Variants in RP1L1 observed in about 807,000 individuals in gnomAD.
RP1L1 encodes the protein RP1 like 1, also known as retinitis pigmentosa 1-like 1 protein.
RP1L1 carries 27 observed loss-of-function variants against 15.7 expected under a neutral mutation model. The observed-to-expected ratio is 1.72, with a 90% CI of 1.27 to 2.38. RP1L1 has a LOEUF of 2.38. Among genes scored for constraint, RP1L1 ranks in the 30% most tolerant of loss-of-function variants. The probability of loss-of-function intolerance (pLI) is 0.00; values close to 1 mark genes in which losing one functional copy is unlikely to be tolerated. For synonymous variants in RP1L1, 1,813 were observed against 1,276.7 expected (o/e 1.42, Z -8.96); for missense variants, 4,798 against 3,075.9 (o/e 1.56, Z -13.24).
intron 1 of RP1L1, among the ~76,000 whole-genome samples, chr8:10,631,308 C>T (rs1798241278): frequency 1.2e-5 from 1 of 82,162 alleles, no homozygotes; most frequent in African/African-American, 3.1e-5. Context: ...CACGCATGCA[C>T]ACACACGCAC....
At chr8:10,622,158 C>A (rs1213526029) in intron 2 of RP1L1, among the ~76,000 whole-genome samples, 1 of 151,844 alleles carries the variant, frequency 6.6e-6, no homozygotes, top group African/African-American at 2.4e-5. Flanking sequence ...CCTGTCTCTA[C>A]TAAAACTAGA....
rs370417440 is a variant in RP1L1 at position 10,612,860 on chromosome 8, T to A, written c.1238A>T (p.His413Leu). ...PKYEIWTNPLHASQGERVAAR... is the reference protein window; with the variant it reads ...PKYEIWTNPLLASQGERVAAR... ...TGCCACTCTCTCTCCCTGGGAGGCATGCAGGGGATTCGTCCAGATTTCATA... is the reference window on the plus strand; with the variant it reads ...TGCCACTCTCTCTCCCTGGGAGGCAAGCAGGGGATTCGTCCAGATTTCATA... Residue 413 changes from histidine (H) to leucine (L), a missense_variant, in exon 4 of 4, where the codon CAT becomes CTT. His to Leu is a moderately conservative substitution (Grantham distance 99). Coordinates refer to ENST00000382483, the MANE Select transcript of RP1L1 (RefSeq NM_178857.6). The A allele has an allele frequency of 4.8e-5, 77 of 1,612,710 alleles. No individual in the cohort carries two copies. Among genetic ancestry groups the A allele is most frequent in the Non-Finnish European group, 6.1e-5 (72 of 1,179,912 alleles).
rs773293580 is a variant in RP1L1, at chr8:10,612,663, C to T, written c.1435G>A (p.Gly479Arg). ...GCAGAGGGGCTGGCACTGTCCACCC[C>T]GTCCTCCGGGGTCCTGGGGCAGCAG... ...SSCCPRTPEDGVDSASPSAQI... is the reference protein window; with the variant it reads ...SSCCPRTPEDRVDSASPSAQI... Residue 479 changes from glycine to arginine, a missense_variant, in exon 4 of 4, where the codon GGG (glycine) becomes AGG (arginine). Physicochemically the swap from Gly to Arg is moderately radical, Grantham distance 125. Coordinates refer to ENST00000382483, the MANE Select transcript of RP1L1 (RefSeq NM_178857.6). 1.2e-5 allele frequency: 19 copies of T among 1,601,348 alleles called. No individual in the cohort carries two copies. Among genetic ancestry groups the T allele is most frequent in the Admixed American group, 1.2e-4 (7 of 59,930 alleles).
rs142510965 is a variant in RP1L1, at chr8:10,609,723, C to T, written c.4375G>A (p.Glu1459Lys). The T allele has an allele frequency of 6.0e-5, 96 of 1,613,334 alleles. No homozygotes were observed. Among genetic ancestry groups the T allele is most frequent in the Non-Finnish European group, 7.0e-5 (83 of 1,179,694 alleles). ...EPTEPPSHLS[E>K]TDPSASERQS... is the part of the protein sequence containing the mutation. Reference sequence around the variant, plus strand: ...CTCTCGCTGGCACTTGGGTCCGTCTCGCTGAGATGACTAGGGGGCTCTGTG... The same window carrying T: ...CTCTCGCTGGCACTTGGGTCCGTCTTGCTGAGATGACTAGGGGGCTCTGTG... The change falls in exon 4 of 4, where the codon GAG becomes AAG. Residue 1459 changes from glutamate (E) to lysine (K), a missense_variant. Transcript: ENST00000382483.
At chr8:10,649,619 C>T (rs1798529757) in intron 1 of RP1L1, among the ~76,000 whole-genome samples, 2 of 152,230 alleles carry the variant, frequency 1.3e-5, no homozygotes, top group Non-Finnish European at 2.9e-5. Context: ...TGGCTCATGC[C>T]TGTAATTCCA....
intron 1 of RP1L1, among the ~76,000 whole-genome samples, chr8:10,645,322 G>A (rs1252394346): frequency 6.6e-6 from 1 of 152,134 alleles, no homozygotes; most frequent in Admixed American, 6.5e-5. Flanking sequence ...GTGAGACCCT[G>A]TAACAAAAAC....
intron 1 of RP1L1, among the ~76,000 whole-genome samples, chr8:10,631,892 C>T (rs980031258): frequency 2.0e-5 from 3 of 152,184 alleles, no homozygotes; most frequent in East Asian, 1.9e-4. Context: ...CAGCACGGGG[C>T]GGATTTGGAG....
At position 10,610,879 on chromosome 8, in the gene RP1L1, C is replaced by G; in HGVS notation, c.3219G>C (p.Arg1073=). The G allele has an allele frequency of 6.2e-7, 1 of 1,609,442 alleles. No individual in the cohort carries two copies. Among genetic ancestry groups the G allele is most frequent in the Non-Finnish European group, 8.5e-7 (1 of 1,177,868 alleles). Residue 1073 remains arginine (R), a synonymous_variant, in exon 4 of 4, where the codon CGG becomes CGC. Transcript: ENST00000382483. ...AGGCAGACACCCGGCCAGGAAGTGCCCGCAGGCTCACCCTGCAGCCTGCTG... is the reference window on the plus strand; with the variant it reads ...AGGCAGACACCCGGCCAGGAAGTGCGCGCAGGCTCACCCTGCAGCCTGCTG... ...EAPAGCRVSL[R]ALPGRVSAST... is the part of the protein sequence containing the mutation.
intron 1 of RP1L1, among the ~76,000 whole-genome samples, chr8:10,623,795 G>A (rs115094785): frequency 6.8e-6 from 1 of 146,826 alleles, no homozygotes; most frequent in African/African-American, 2.6e-5. Context: ...AGCACCACAT[G>A]TCCCCAACAT....
In RP1L1 at chr8:10,649,461, C is replaced by G. The variant is rs544668160; in HGVS notation, c.-20+5437G>C. 3.2e-3 allele frequency among the ~76,000 whole-genome samples: 489 copies of G among 152,332 alleles called. 5 individuals are homozygous for G. Among genetic ancestry groups the G allele is most frequent in the Middle Eastern group, 3.4e-3 (1 of 294 alleles). ...CTAGCTGAGTCCCACCCGCTGTGGT[C>G]TCACTCTGACCCAGTAGACCACAGC... On this transcript the variant is annotated intron_variant, in intron 1 of 3. Transcript: ENST00000382483.
Position 10,610,061 on chromosome 8 carries a change from CCTTCTG to C in RP1L1, c.4031_4036del (p.Thr1344_Gly1346delinsArg). Reference sequence around the variant, plus strand: ...CGCCTCTTCTTCTTGCTGTCCTTCTCCTTCTGTTTCTTTAGTTTCCTCTAACTGCAC... The same window carrying C: ...CGCCTCTTCTTCTTGCTGTCCTTCTCTTTCTTTAGTTTCCTCTAACTGCAC... On this transcript the variant is annotated inframe_deletion, in exon 4 of 4. Transcript: ENST00000382483. 7.1e-7 allele frequency: 1 copy of C among 1,414,196 alleles called. No homozygotes were observed. Among genetic ancestry groups the C allele is most frequent in the South Asian group, 1.3e-5 (1 of 78,060 alleles). 87.6% of individuals were successfully genotyped at this position (1,414,196 alleles called of 1,614,324 possible).
rs547703957 is a variant in RP1L1, at chr8:10,608,524, C to A, written c.5574G>T (p.Gly1858=). The change falls in exon 4 of 4, where the codon GGG becomes GGT. Residue 1858 remains glycine, a synonymous_variant. Coordinates refer to ENST00000382483, the MANE Select transcript of RP1L1 (RefSeq NM_178857.6). The part of the protein sequence containing the change: ...SEGVEAPEAE[G]DAQEAEGEAQ... ...CCTCCCCTTCAGCCTCCTGGGCATC[C>A]CCTTCTGCCTCTGGGGCCTCTACAC... The A allele has an allele frequency of 1.3e-6, 2 of 1,567,234 alleles. No homozygotes were observed. The highest frequency in any genetic ancestry group is 1.7e-6 in the Non-Finnish European group (2 of 1,143,048).
At position 10,611,277 on chromosome 8, in the gene RP1L1, T is replaced by C; in HGVS notation, c.2821A>G (p.Ser941Gly). 2 of 1,612,914 alleles carry C rather than the reference T, an allele frequency of 1.2e-6. No homozygotes were observed. The highest frequency in any genetic ancestry group is 1.7e-6 in the Non-Finnish European group (2 of 1,179,982). ...GGCAGAGAGCTGGGTGACACACCACTGGCCTCCTCCTGCCCCTGGGGGCCT... is the reference window on the plus strand; with the variant it reads ...GGCAGAGAGCTGGGTGACACACCACCGGCCTCCTCCTGCCCCTGGGGGCCT... ...GGGPQGQEEA[S>G]GVSPSSLPRS... Residue 941 changes from serine to glycine, a missense_variant, in exon 4 of 4, where the codon AGT becomes GGT. By Grantham distance (56) the Ser-to-Gly change is moderately conservative (BLOSUM62 0). Coordinates refer to ENST00000382483, the MANE Select transcript of RP1L1 (RefSeq NM_178857.6).
In RP1L1 at chr8:10,622,615, A is replaced by T. The variant is rs956804248; in HGVS notation, c.587T>A (p.Leu196Ter). The change falls in exon 2 of 4, where the codon TTG becomes TAG. Residue 196 changes from leucine (L) to a stop codon, truncating the protein, a stop_gained. Coordinates refer to ENST00000382483, the MANE Select transcript of RP1L1 (RefSeq NM_178857.6). LOFTEE classifies it high-confidence loss of function. ...TACCTTTTTCCCGCTGGTCGTGTAC[A>T]ACTGCTTCACAGGAAAGCGCAGGAG... is the stretch of plus-strand genomic sequence containing the variant. ...SDLLRFPVKQLYTTSGKKVDS... is the reference protein window; with the variant it reads ...SDLLRFPVKQ 1.2e-6 allele frequency: 2 copies of T among 1,614,108 alleles called. No individual in the cohort carries two copies. The highest frequency in any genetic ancestry group is 2.7e-5 in the African/African-American group (2 of 74,934).
Position 10,607,370 on chromosome 8 carries a change from C to T in RP1L1, c.6728G>A (p.Gly2243Glu), listed in dbSNP as rs1242250608. ...AEGEAQPESE[G>E]ETQGEKKGSP... ...CCCCTTTTTCTCACCTTGAGTTTCT[C>T]CTTCTGACTCTGGCTGGGCCTCCCC... The change falls in exon 4 of 4, where the codon GGA becomes GAA. Residue 2243 changes from glycine to glutamate, a missense_variant. Transcript: ENST00000382483. The T allele has an allele frequency of 1.9e-6, 3 of 1,613,866 alleles. No individual in the cohort carries two copies. In the African/African-American group the frequency reaches 4.0e-5, roughly 22 times the overall value.
chr8:10,625,328 G>C (rs918901794), intron 1 of RP1L1, among the ~76,000 whole-genome samples: 4 of 152,188 alleles, frequency 2.6e-5, no homozygotes, highest in South Asian at 2.1e-4. Flanking sequence ...GAGGGAGAAG[G>C]CTCTTCCTCC....
chr8:10,623,218 C>T lies in RP1L1; in HGVS notation c.-17G>A, dbSNP rs756193246. 13 of 1,533,608 alleles carry T rather than the reference C, an allele frequency of 8.5e-6. No individual in the cohort carries two copies. Among genetic ancestry groups the T allele is most frequent in the South Asian group, 2.5e-5 (2 of 78,500 alleles). Reference sequence around the variant, plus strand: ...GCTGTTCATGGTGTGGGGGCTCTGGCCGCTGTAACAGGGCAGAGGAAGAGG... The same window carrying T: ...GCTGTTCATGGTGTGGGGGCTCTGGTCGCTGTAACAGGGCAGAGGAAGAGG... On this transcript the variant is annotated splice_region_variant and 5_prime_UTR_variant, in exon 2 of 4. Coordinates refer to ENST00000382483, the MANE Select transcript of RP1L1 (RefSeq NM_178857.6).
chr8:10,636,864 A>G (rs1276521259), intron 1 of RP1L1, among the ~76,000 whole-genome samples: 1 of 152,068 alleles, frequency 6.6e-6, no homozygotes, highest in East Asian at 2.0e-4. Context: ...GGGAAGCTGC[A>G]GGTCACCTGG....
chr8:10,612,043 T>C lies in RP1L1; in HGVS notation c.2055A>G (p.Gln685=), dbSNP rs768928179. The part of the protein sequence containing the change: ...HSPLDSSVTK[Q]VPRPPERRRA... ...TTCGCCGCTCAGGAGGCCTCGGCAC[T>C]TGCTTGGTTACAGAGGAGTCCAGTG... The change falls in exon 4 of 4, where the codon CAA becomes CAG. Residue 685 remains glutamine, a synonymous_variant. Transcript: ENST00000382483. 1.9e-6 allele frequency: 3 copies of C among 1,613,888 alleles called. No individual in the cohort carries two copies. In the Admixed American group the frequency reaches 5.0e-5, roughly 27 times the overall value.
Sources: allele counts gnomAD v4.1 joint callset (sites outside exome capture counted in the v4.1 genomes callset), GRCh38; gene constraint gnomAD v4.1.1; transcripts MANE v1.5; gene names NCBI Gene and HGNC (gene_info 2026-07-23, HGNC 2026-07-21).